Variants in SH2D4B observed in about 807,000 individuals in gnomAD.
SH2D4B encodes the protein SH2 domain-containing protein 4B.
Under a neutral mutation model 61.5 loss-of-function variants are expected in SH2D4B, and 45 were observed. The observed-to-expected ratio is 0.73, with a 90% CI of 0.58 to 0.94. SH2D4B has a LOEUF of 0.94. Ranked by LOEUF, SH2D4B falls within the 40% of genes least tolerant of loss-of-function variation. The probability of loss-of-function intolerance (pLI) is 0.00; values close to 1 mark genes in which losing one functional copy is unlikely to be tolerated. For synonymous variants in SH2D4B, 224 were observed against 220.4 expected (o/e 1.02, Z -0.14); for missense variants, 572 against 574.2 (o/e 1.00, Z 0.04).
intron 1 of SH2D4B, among the ~76,000 whole-genome samples, chr10:80,554,271 C>T (rs1841798923): frequency 6.6e-6 from 1 of 152,178 alleles, no homozygotes; most frequent in Admixed American, 6.5e-5. Flanking sequence ...CCTTTAGGAG[C>T]TGGTGCTGTA....
chr10:80,609,526 C>A lies in SH2D4B; in HGVS notation c.963C>A (p.Thr321=), dbSNP rs1388820431. ...LPRRAGFERN[T]KFIAPWFHGI... ...GCCGAGCTGGCTTCGAGAGGAACAC[C>A]AAGTTCATCGCCCCCTGGTTCCATG... Residue 321 remains threonine (T), a synonymous_variant, in exon 6 of 8, where the codon ACC becomes ACA. Coordinates refer to ENST00000646907, the MANE Select transcript of SH2D4B (RefSeq NM_001388272.1). The A allele has an allele frequency of 6.2e-7, 1 of 1,614,228 alleles. No individual in the cohort carries two copies. The highest frequency in any genetic ancestry group is 1.1e-5 in the South Asian group (1 of 91,086).
At chr10:80,569,273 C>T (rs1464186568) in intron 1 of SH2D4B, among the ~76,000 whole-genome samples, 1 of 152,050 alleles carries the variant, frequency 6.6e-6, no homozygotes, top group Non-Finnish European at 1.5e-5. Flanking sequence ...CAGAGCGGGC[C>T]CACCATCTCC....
chr10:80,632,974 A>C (rs1564530705), intron 6 of SH2D4B, among the ~76,000 whole-genome samples: 1 of 151,846 alleles, frequency 6.6e-6, no homozygotes. Context: ...GCAAGGAGGA[A>C]ATAGGTGGCC....
intron 6 of SH2D4B, among the ~76,000 whole-genome samples, chr10:80,631,437 C>G (rs1842832915): frequency 6.6e-6 from 1 of 152,082 alleles, no homozygotes; most frequent in South Asian, 2.1e-4. Flanking sequence ...TTTGTAGATT[C>G]AGGGCCTTGC....
At chr10:80,615,546 G>A (rs1335296619) in intron 6 of SH2D4B, among the ~76,000 whole-genome samples, 1 of 152,198 alleles carries the variant, frequency 6.6e-6, no homozygotes, top group Non-Finnish European at 1.5e-5. Flanking sequence ...CCTGACCTTG[G>A]CAATCAGAGC....
At chr10:80,615,073 TG>T (rs1163046020) in intron 6 of SH2D4B, among the ~76,000 whole-genome samples, 1 of 152,156 alleles carries the variant, frequency 6.6e-6, no homozygotes, top group Non-Finnish European at 1.5e-5. Flanking sequence ...TGAGTGGGAA[TG>T]GAGTTGGGGC....
chr10:80,576,772 T>C (rs1367391731), intron 3 of SH2D4B, among the ~76,000 whole-genome samples: 1 of 152,346 alleles, frequency 6.6e-6, no homozygotes, highest in Non-Finnish European at 1.5e-5. Flanking sequence ...TATAACTTTT[T>C]AATTTTTTAA....
Position 80,644,153 on chromosome 10 carries a change from C to G in SH2D4B, c.*68C>G. The G allele has an allele frequency of 7.8e-7, 1 of 1,285,720 alleles. No individual in the cohort carries two copies. Among genetic ancestry groups the G allele is most frequent in the African/African-American group, 1.5e-5 (1 of 67,938 alleles). The allele number at this position is 1,285,720 out of a possible 1,614,324, so 79.6% of individuals were successfully genotyped here. ...TGAACTCAGCTTAAGAACTTCTCAT[C>G]TCAAATCCTATGGCCTTCTGGAAGA... On this transcript the variant is annotated 3_prime_UTR_variant, in exon 8 of 8. Transcript: ENST00000646907.
In SH2D4B at chr10:80,641,054, C is replaced by G. The variant is rs1354927512; in HGVS notation, c.1210-2939C>G. Among the ~76,000 whole-genome samples, 12 of 152,338 alleles carry G rather than the reference C, an allele frequency of 7.9e-5. No homozygotes were observed. The East Asian group carries it at 2.3e-3, about 29-fold the overall frequency. ...TCCTTCTAACAGTCAGGTCCCTCAG[C>G]TGCAGGTCTGTTGGAGTTTGCTGGA... On this transcript the variant is annotated intron_variant, in intron 7 of 7. Transcript: ENST00000646907.
rs1842870512 is a variant in SH2D4B, at chr10:80,634,394, G to A, written c.1098G>A (p.Leu366=). Residue 366 remains leucine, a synonymous_variant, in exon 7 of 8, where the codon CTG becomes CTA. Transcript: ENST00000646907. ...KIWGYTLSYR[L]QKGFKHFLVD... is the part of the protein sequence containing the mutation. ...GGGGTTACACCCTCTCCTACCGCCTGCAGAAAGGGTTCAAACACTTTCTTG... is the reference window on the plus strand; with the variant it reads ...GGGGTTACACCCTCTCCTACCGCCTACAGAAAGGGTTCAAACACTTTCTTG... 6.4e-7 allele frequency: 1 copy of A among 1,550,616 alleles called. No individual in the cohort carries two copies. The highest frequency in any genetic ancestry group is 1.2e-5 in the South Asian group (1 of 84,064).
chr10:80,540,695 T>C (rs1841565926), intron 1 of SH2D4B: 1 of 781,796 alleles, frequency 1.3e-6, no homozygotes, highest in African/African-American at 1.7e-5. Flanking sequence ...CACCAATTCA[T>C]TCACTTATCC....
chr10:80,605,463 A>G (rs1842508295), intron 5 of SH2D4B, among the ~76,000 whole-genome samples: 1 of 152,000 alleles, frequency 6.6e-6, no homozygotes, highest in African/African-American at 2.4e-5. Context: ...TTCATATGAA[A>G]TTTTTTGTCA....
chr10:80,637,967 C>A (rs1423333950), intron 7 of SH2D4B, among the ~76,000 whole-genome samples: 1 of 152,052 alleles, frequency 6.6e-6, no homozygotes, highest in African/African-American at 2.4e-5. Context: ...TCCATCAGTA[C>A]CTAGTTTATT....
At chr10:80,626,400 G>C (rs1455211478) in intron 6 of SH2D4B, among the ~76,000 whole-genome samples, 1 of 152,146 alleles carries the variant, frequency 6.6e-6, no homozygotes, top group Non-Finnish European at 1.5e-5. Context: ...TTTTCTGTCT[G>C]GTTGACAAAA....
intron 3 of SH2D4B, among the ~76,000 whole-genome samples, chr10:80,577,091 A>G (rs1401728394): frequency 2.0e-5 from 3 of 152,214 alleles, no homozygotes; most frequent in East Asian, 1.9e-4. Context: ...AGGAAAGACT[A>G]TAACGGAGCT....
chr10:80,580,232 G>T (rs535661675), intron 3 of SH2D4B, among the ~76,000 whole-genome samples: 2 of 152,328 alleles, frequency 1.3e-5, no homozygotes, highest in South Asian at 2.1e-4. Context: ...AGGCTGGGAA[G>T]CCCAGCTTCT....
chr10:80,604,783 T>G (rs17107333), intron 5 of SH2D4B, among the ~76,000 whole-genome samples: 33,538 of 141,098 alleles, frequency 0.24, 4,302 homozygotes, highest in African/African-American at 0.39. Context: ...AGGTCACTAC[T>G]GTTCTTAGTT....
In SH2D4B at chr10:80,581,140, T is replaced by C. The variant is rs549184726; in HGVS notation, c.496-7490T>C. 5.9e-5 allele frequency among the ~76,000 whole-genome samples: 9 copies of C among 152,336 alleles called. No homozygotes were observed. The South Asian group carries it at 1.9e-3, about 32-fold the overall frequency. Reference sequence around the variant, plus strand: ...AATGGCCAGTCATTTTCCTCTGAGATGGGCGGTTGCTGTAGGCCTCTGGTT... The same window carrying C: ...AATGGCCAGTCATTTTCCTCTGAGACGGGCGGTTGCTGTAGGCCTCTGGTT... On this transcript the variant is annotated intron_variant, in intron 3 of 7. Transcript: ENST00000646907.
intron 1 of SH2D4B, among the ~76,000 whole-genome samples, chr10:80,559,929 A>T (rs193166076): frequency 6.6e-6 from 1 of 151,404 alleles, no homozygotes; most frequent in African/African-American, 2.4e-5. Flanking sequence ...AAGAGCTGTA[A>T]CTATGTTGTT....
Sources: allele counts gnomAD v4.1 joint callset (sites outside exome capture counted in the v4.1 genomes callset), GRCh38; gene constraint gnomAD v4.1.1; transcripts MANE v1.5; gene names NCBI Gene and HGNC (gene_info 2026-07-23, HGNC 2026-07-21).